MGAT5B: variants seen among roughly 807,000 people sequenced by gnomAD.
The protein encoded by MGAT5B is N-acetylglucosaminyl-transferase Vb.
Under a neutral mutation model 95.1 loss-of-function variants are expected in MGAT5B, and 54 were observed. The ratio of observed to expected loss-of-function variants is 0.57; its 90% CI spans 0.46 to 0.71. The LOEUF is 0.71. MGAT5B is among the 30% of genes least tolerant of loss of function. MGAT5B has a pLI of 0.00. For synonymous variants in MGAT5B, 464 were observed against 451.0 expected, an observed-to-expected ratio of 1.03 and a Z score of -0.36; for missense variants, 935 against 1,088.6, an observed-to-expected ratio of 0.86 and a Z score of 1.99.
chr17:76,926,405 G>A (rs536334207), intron 9 of MGAT5B, among the ~76,000 whole-genome samples, 192 bp from the exon 10 acceptor site: 1 of 152,298 alleles, frequency 6.6e-6, no homozygotes, highest in African/African-American at 2.4e-5. Flanking sequence ...GGACAGATGA[G>A]GCAGCACAGA....
intron 10 of MGAT5B, 91 bp downstream of exon 10, chr17:76,926,821 C>T (rs1341556953): frequency 7.5e-6 from 11 of 1,475,440 alleles, no homozygotes; most frequent in Non-Finnish European, 9.3e-6. Flanking sequence ...TCGCTCCTCC[C>T]TCTCTTTCCT....
intron 15 of MGAT5B, 180 bp from the exon 16 acceptor site, chr17:76,946,196 T>G (rs1599012664): frequency 1.9e-6 from 1 of 537,052 alleles, no homozygotes. Context: ...TACTGGAGGG[T>G]GTGCGGGGAA....
rs558944250 is a variant in MGAT5B at position 76,948,869 on chromosome 17, C to G, written c.*31C>G. On this transcript the variant is annotated 3_prime_UTR_variant, in exon 18 of 18. Coordinates refer to ENST00000569840, the MANE Select transcript of MGAT5B (RefSeq NM_001199172.2). ...CCTCTGCCGCCCTGCCTGGCACCCA[C>G]GCTGGCTCTCTCCTGCCGCGGGAGA... 6.5e-7 allele frequency: 1 copy of G among 1,538,934 alleles called. No homozygotes were observed. Among genetic ancestry groups the G allele is most frequent in the Non-Finnish European group, 8.8e-7 (1 of 1,142,154 alleles).
At chr17:76,894,078 G>A (rs1967980821) in intron 3 of MGAT5B, among the ~76,000 whole-genome samples, 1 of 152,212 alleles carries the variant, frequency 6.6e-6, no homozygotes, top group South Asian at 2.1e-4. Flanking sequence ...TTCCTTTGCT[G>A]AGGACCAAGG....
At chr17:76,936,640 GTTCTT>G (rs1378687978) in intron 12 of MGAT5B, among the ~76,000 whole-genome samples, 3 of 152,154 alleles carry the variant, frequency 2.0e-5, no homozygotes, top group Non-Finnish European at 4.4e-5. Context: ...TAAGTAAAAA[GTTCTT>G]TTACGTTTTT....
chr17:76,875,167 T>C (rs753067323), intron 2 of MGAT5B, among the ~76,000 whole-genome samples: 15 of 152,178 alleles, frequency 9.9e-5, no homozygotes, highest in Non-Finnish European at 1.9e-4. Context: ...TTTTGGACTT[T>C]GTGAGCATGG....
chr17:76,904,398 AC>A lies in MGAT5B; in HGVS notation c.669del (p.Lys224SerfsTer20). On this transcript the variant is annotated frameshift_variant, in exon 6 of 18. Transcript: ENST00000569840. LOFTEE classifies it high-confidence loss of function. Reference protein sequence around the residue: ...WRNQTAAQRAPKPLPKVQAVF... With the variant: ...WRNQTAAQRAXKPLPKVQAVF... The stretch of plus-strand genomic sequence containing the variant: ...GGAACCAGACGGCTGCCCAGAGGGC[AC>A]CCAAGCCCCTCCCCAAAGTCCAGGT... 1 of 1,562,746 alleles carries A rather than the reference AC, an allele frequency of 6.4e-7. No individual in the cohort carries two copies. The highest frequency in any genetic ancestry group is 8.7e-7 in the Non-Finnish European group (1 of 1,153,992).
chr17:76,927,335 G>C (rs1969344413), intron 10 of MGAT5B, among the ~76,000 whole-genome samples: 2 of 152,100 alleles, frequency 1.3e-5, no homozygotes, highest in South Asian at 4.1e-4. Flanking sequence ...GACCTCCTGG[G>C]CTCAAGTGAT....
chr17:76,927,556 G>A (rs994387627), intron 10 of MGAT5B, among the ~76,000 whole-genome samples: 1 of 152,152 alleles, frequency 6.6e-6, no homozygotes, highest in Non-Finnish European at 1.5e-5. Context: ...TGTTTTTAAT[G>A]ATACTCTAAA....
In MGAT5B at chr17:76,948,060, C is replaced by T. The variant is rs2145294900; in HGVS notation, c.2154C>T (p.Phe718=). 6.2e-7 allele frequency: 1 copy of T among 1,609,986 alleles called. No homozygotes were observed. The change falls in exon 17 of 18, where the codon TTC becomes TTT. Residue 718 remains phenylalanine, a synonymous_variant. Transcript: ENST00000569840. The stretch of plus-strand genomic sequence containing the variant: ...TCTGTGAGCCCTCCTTCTTCCCCTT[C>T]CTGAACAGCCAGGACGCCTTCCTCA... The part of the protein sequence containing the change: ...GLICEPSFFP[F]LNSQDAFLKL...
At position 76,889,278 on chromosome 17, in the gene MGAT5B, T is replaced by C. The variant is rs368279649; in HGVS notation, c.329+6980T>C. 2.6e-5 allele frequency among the ~76,000 whole-genome samples: 4 copies of C among 152,218 alleles called. No individual in the cohort carries two copies. Among genetic ancestry groups the C allele is most frequent in the East Asian group, 1.9e-4 (1 of 5,172 alleles). ...GGGACCTTGGGACCCAGGCAGGCTC[T>C]TGAGGTCACAGTGCCCATGGGAGGT... On this transcript the variant is annotated intron_variant, in intron 3 of 17. Coordinates refer to ENST00000569840, the MANE Select transcript of MGAT5B (RefSeq NM_001199172.2). This position sits in a 1 kb window ranked among gnomAD's most constrained non-coding sequence, Gnocchi z 4.4.
At chr17:76,933,841 G>A (rs1018123985) in intron 12 of MGAT5B, among the ~76,000 whole-genome samples, 42 of 152,116 alleles carry the variant, frequency 2.8e-4, no homozygotes, top group African/African-American at 9.9e-4. Flanking sequence ...GTTCCCCGGG[G>A]TCTTCTTACC....
In MGAT5B at chr17:76,905,310, G is replaced by A. The variant is rs1456086116; in HGVS notation, c.832G>A (p.Ala278Thr). The change falls in exon 7 of 18, where the codon GCC becomes ACC. Residue 278 changes from alanine to threonine, a missense_variant. By Grantham distance (58) the Ala-to-Thr change is moderately conservative. Around this residue, in one of 4 missense-constraint regions of MGAT5B, gnomAD observed 243 missense variants for 305.5 expected, o/e 0.80. Transcript: ENST00000569840. The surrounding 1 kb of genome is among the most constrained non-coding windows in gnomAD (Gnocchi z 4.2). ...CCAGCGCCTGGCACAGAAGCTGGGG[G>A]CCACCCAGAGGGACCAGAAGCAGGT... is the stretch of plus-strand genomic sequence containing the variant. ...AAQRLAQKLG[A>T]TQRDQKQILV... 1.1e-5 allele frequency: 18 copies of A among 1,598,334 alleles called. No individual in the cohort carries two copies. The highest frequency in any genetic ancestry group is 1.7e-5 in the Admixed American group (1 of 59,118).
At chr17:76,920,131 G>A (rs764416332) in intron 8 of MGAT5B, among the ~76,000 whole-genome samples, 46 of 152,274 alleles carry the variant, frequency 3.0e-4, no homozygotes, top group Admixed American at 6.5e-4. Context: ...AAACTTCCCC[G>A]TCCTTCCCAA....
At chr17:76,896,610 T>G (rs1283901640) in intron 3 of MGAT5B, among the ~76,000 whole-genome samples, 1 of 152,186 alleles carries the variant, frequency 6.6e-6, no homozygotes, top group East Asian at 1.9e-4. Context: ...ACTCCATTAC[T>G]CAGATTTCAC....
chr17:76,946,602 C>G, intron 16 of MGAT5B, 152 bp downstream of exon 16: 4 of 678,334 alleles, frequency 5.9e-6, no homozygotes, highest in Non-Finnish European at 6.7e-6. Context: ...CCAGAGTTCC[C>G]TCAGGGCTGG....
intron 8 of MGAT5B, among the ~76,000 whole-genome samples, chr17:76,909,569 G>A (rs186447980): frequency 1.3e-5 from 2 of 152,214 alleles, no homozygotes; most frequent in African/African-American, 4.8e-5. Context: ...GGATGCTGAT[G>A]AGGACAGAGC....
At chr17:76,908,535 G>A (rs1968616394) in intron 8 of MGAT5B, among the ~76,000 whole-genome samples, 1 of 151,926 alleles carries the variant, frequency 6.6e-6, no homozygotes. Flanking sequence ...CCAAAGTGCT[G>A]GGATTACAGG....
chr17:76,886,839 T>C (rs1967647785), intron 3 of MGAT5B, among the ~76,000 whole-genome samples: 1 of 151,844 alleles, frequency 6.6e-6, no homozygotes, highest in South Asian at 2.1e-4. Flanking sequence ...AGGTCAGGAG[T>C]TCGAGACCAG....
Sources: allele counts gnomAD v4.1 joint callset (sites outside exome capture counted in the v4.1 genomes callset), GRCh38; gene constraint gnomAD v4.1.1; regional missense constraint gnomAD v4.1.1; non-coding constraint Gnocchi (gnomAD v3.1); transcripts MANE v1.5; gene names NCBI Gene and HGNC (gene_info 2026-07-23, HGNC 2026-07-21).